Variants in CACNA1A observed in about 807,000 individuals in gnomAD.
CACNA1A encodes calcium voltage-gated channel subunit alpha1 A, also known as voltage-dependent P/Q-type calcium channel subunit alpha-1A.
A neutral mutation model predicts 262.4 loss-of-function variants in CACNA1A; 57 were observed. The ratio of observed to expected loss-of-function variants is 0.22; its 90% CI spans 0.18 to 0.27. The LOEUF is 0.27. CACNA1A is among the 10% of genes least tolerant of loss of function. CACNA1A has a pLI of 1.00. For missense variants in CACNA1A, 2,526 were observed against 3,562.8 expected (o/e 0.71, Z 7.41); for synonymous variants, 1,431 against 1,419.3 (o/e 1.01, Z -0.18).
At chr19:13,292,166 A>G (rs2057554924) in intron 19 of CACNA1A, among the ~76,000 whole-genome samples, 1 of 152,168 alleles carries the variant, frequency 6.6e-6, no homozygotes, top group South Asian at 2.1e-4. Context: ...CTGCAGGGCC[A>G]CTGGGCTCGG....
At chr19:13,383,631 A>T (rs1289947192) in intron 3 of CACNA1A, among the ~76,000 whole-genome samples, 1 of 152,016 alleles carries the variant, frequency 6.6e-6, no homozygotes, top group Non-Finnish European at 1.5e-5. Flanking sequence ...TTTATTGAGA[A>T]TTACTATATT....
At chr19:13,395,940 T>C (rs570919631) in intron 3 of CACNA1A, among the ~76,000 whole-genome samples, 46 of 152,244 alleles carry the variant, frequency 3.0e-4, no homozygotes, top group Non-Finnish European at 2.6e-4. Context: ...CTCAGTCTAT[T>C]AGCATTTACA....
rs186160459 is a variant in CACNA1A at position 13,307,291 on chromosome 19, G to A, written c.1986+491C>T. ...ACTCTGTTGCCCAGGCTGGAGTGCA[G>A]TGGCGCGATCTTGGCTCACTGCAAC... is the stretch of plus-strand genomic sequence containing the variant. On this transcript the variant is annotated intron_variant, in intron 15 of 46. Transcript: ENST00000360228. 236 of 152,996 alleles carry A rather than the reference G, an allele frequency of 1.5e-3. 1 individual carries two copies. Among genetic ancestry groups the A allele is most frequent in the Non-Finnish European group, 2.4e-3 (162 of 68,716 alleles). 9.5% of individuals were successfully genotyped at this position (152,996 alleles called of 1,614,324 possible).
At chr19:13,443,869 C>T (rs568024752) in intron 3 of CACNA1A, among the ~76,000 whole-genome samples, 1 of 152,168 alleles carries the variant, frequency 6.6e-6, no homozygotes, top group Non-Finnish European at 1.5e-5. Context: ...CCCTTGTGAG[C>T]AGCTTAACCT....
chr19:13,454,325 T>C (rs1450223709), intron 2 of CACNA1A, among the ~76,000 whole-genome samples: 3 of 151,754 alleles, frequency 2.0e-5, no homozygotes, highest in East Asian at 4.0e-4. Flanking sequence ...TCTCACCCTT[T>C]GCATCTCTTC....
chr19:13,464,180 G>A (rs765903671), intron 1 of CACNA1A, among the ~76,000 whole-genome samples: 6 of 152,172 alleles, frequency 3.9e-5, no homozygotes, highest in Non-Finnish European at 7.3e-5. Context: ...TTGAGGCCAG[G>A]AGTTTGAGGA....
chr19:13,210,723 G>A (rs2054781208), intron 43 of CACNA1A, 71 bp from the exon 44 acceptor site: 15 of 1,461,322 alleles, frequency 1.0e-5, no homozygotes, highest in African/African-American at 5.6e-5. Context: ...AAGGCAAGAG[G>A]GAGAGTGAGG....
chr19:13,365,251 A>G, intron 5 of CACNA1A, 66 bp downstream of exon 5: 3 of 1,430,960 alleles, frequency 2.1e-6, no homozygotes, highest in Admixed American at 3.7e-5. Context: ...ACCCCTGCCT[A>G]ATCCTCCCAA....
intron 3 of CACNA1A, among the ~76,000 whole-genome samples, chr19:13,449,488 T>C (rs2060877403): frequency 6.6e-6 from 1 of 152,020 alleles, no homozygotes; most frequent in African/African-American, 2.4e-5. Flanking sequence ...TTTTATTTCA[T>C]TTTGTAGAGA....
chr19:13,223,250 G>A (rs1269241263), intron 38 of CACNA1A, among the ~76,000 whole-genome samples: 1 of 152,066 alleles, frequency 6.6e-6, no homozygotes, highest in Non-Finnish European at 1.5e-5. Flanking sequence ...CTGTAGTGCA[G>A]TGGCGTGATC....
rs2059070444 is a variant in CACNA1A, at chr19:13,359,813, G to A, written c.785-14C>T. 1 of 1,490,924 alleles carries A rather than the reference G, an allele frequency of 6.7e-7. No individual in the cohort carries two copies. Among genetic ancestry groups the A allele is most frequent in the Non-Finnish European group, 9.0e-7 (1 of 1,112,034 alleles). 92.4% of individuals were successfully genotyped at this position (1,490,924 alleles called of 1,614,324 possible). On this transcript the variant is annotated splice_polypyrimidine_tract_variant and intron_variant, in intron 5 of 46. Transcript: ENST00000360228. ...CCTGAATGTCATCTACAAAAGGGAAGGGGAGAAAAGTCAGGGGAAGGAGCA... is the reference window on the plus strand; with the variant it reads ...CCTGAATGTCATCTACAAAAGGGAAAGGGAGAAAAGTCAGGGGAAGGAGCA...
At position 13,207,308 on chromosome 19, in the gene CACNA1A, C is replaced by G. The variant is rs754251073; in HGVS notation, c.*5G>C. The G allele has an allele frequency of 6.5e-7, 1 of 1,549,624 alleles. No homozygotes were observed. Among genetic ancestry groups the G allele is most frequent in the African/African-American group, 1.4e-5 (1 of 72,076 alleles). On this transcript the variant is annotated 3_prime_UTR_variant, in exon 47 of 47. Transcript: ENST00000360228. The surrounding 1 kb of genome is among the most constrained non-coding windows in gnomAD (Gnocchi z 5.7). ...GGGGCCGGGCGGGCGCCACCTCGCC[C>G]GGGCTTAGCACCAATCATCGTCACT...
chr19:13,207,866 TGCTGCTGCTGCTGCTGC>T lies in CACNA1A; in HGVS notation c.6951_6967del (p.Gln2318AlafsTer179). 1 of 819,222 alleles carries T rather than the reference TGCTGCTGCTGCTGCTGC, an allele frequency of 1.2e-6. No individual in the cohort carries two copies. The allele number at this position is 819,222 out of a possible 1,614,324, so 50.7% of individuals were successfully genotyped here. A position where few individuals can be genotyped will look rare whatever the true frequency, so the allele number is the denominator to read the frequency against. ...GCCCGGCCTGGCCACCGCCTGCTGCTGCTGCTGCTGCTGCTGCTGCTGCTGCTGCTGCGGGGGCCCCG... is the reference window on the plus strand; with the variant it reads ...GCCCGGCCTGGCCACCGCCTGCTGCTTGCTGCTGCTGCTGCGGGGGCCCCG... On this transcript the variant is annotated frameshift_variant, in exon 47 of 47. Coordinates refer to ENST00000360228, the MANE Select transcript of CACNA1A (RefSeq NM_001127222.2). LOFTEE classifies it low-confidence loss of function (END_TRUNC). The surrounding 1 kb of genome is among the most constrained non-coding windows in gnomAD (Gnocchi z 5.7).
At chr19:13,431,657 A>G (rs2060505979) in intron 3 of CACNA1A, among the ~76,000 whole-genome samples, 1 of 152,176 alleles carries the variant, frequency 6.6e-6, no homozygotes, top group African/African-American at 2.4e-5. Flanking sequence ...TGAAGAAAAT[A>G]TGGCGTGTAT....
intron 31 of CACNA1A, among the ~76,000 whole-genome samples, chr19:13,238,269 C>T (rs1260431222): frequency 6.6e-6 from 1 of 152,176 alleles, no homozygotes; most frequent in Non-Finnish European, 1.5e-5. Context: ...TTCAACACCT[C>T]CCCTGAACTT....
chr19:13,240,772 A>G (rs1386805647), intron 31 of CACNA1A, among the ~76,000 whole-genome samples: 1 of 148,846 alleles, frequency 6.7e-6, no homozygotes, highest in East Asian at 2.0e-4. Context: ...CTGTGTGCAC[A>G]GTGTGTGCGC....
At chr19:13,323,587 G>A (rs903034666) in intron 10 of CACNA1A, among the ~76,000 whole-genome samples, 11 of 152,068 alleles carry the variant, frequency 7.2e-5, no homozygotes, top group South Asian at 2.1e-4. Context: ...TTAGCCTCCC[G>A]AGTAGCTGTC....
chr19:13,465,358 C>T (rs2061215465), intron 1 of CACNA1A, among the ~76,000 whole-genome samples: 1 of 152,196 alleles, frequency 6.6e-6, no homozygotes. Flanking sequence ...GGTCCACTCA[C>T]TGAATATTAT....
intron 6 of CACNA1A, among the ~76,000 whole-genome samples, chr19:13,348,641 T>A (rs538702394): frequency 6.6e-6 from 1 of 152,100 alleles, no homozygotes; most frequent in Non-Finnish European, 1.5e-5. Flanking sequence ...ATCGAGACCA[T>A]CCTGGCCAAC....
Sources: gnomAD v4.1 joint callset for allele counts (sites outside exome capture counted in the v4.1 genomes callset) on GRCh38, gnomAD v4.1.1 for gene constraint, Gnocchi (gnomAD v3.1) non-coding constraint, MANE v1.5 for transcripts, NCBI Gene and HGNC (gene_info 2026-07-23, HGNC 2026-07-21) for gene names.